The following NRXN1 variants were observed in gnomAD, a reference collection of about 807,000 sequenced individuals.
The protein encoded by NRXN1 is neurexin 1, also known as neurexin-1.
NRXN1 carries 39 observed loss-of-function variants against 150.9 expected under a neutral mutation model. That is an observed-to-expected ratio of 0.26 (90% CI 0.20 to 0.34). The LOEUF (loss-of-function observed/expected upper bound fraction) is 0.34. Among genes scored for constraint, NRXN1 ranks in the 10% least tolerant of loss-of-function variants. The pLI is 1.00. For missense variants in NRXN1, 1,815 were observed against 1,949.9 expected, an observed-to-expected ratio of 0.93 and a Z score of 1.30; for synonymous variants, 924 against 757.0, an observed-to-expected ratio of 1.22 and a Z score of -3.62.
In NRXN1 at chr2:50,107,520, CAT is replaced by C. The variant is rs150310372; in HGVS notation, c.3547-16028_3547-16027del. On this transcript the variant is annotated intron_variant, in intron 18 of 22. Coordinates refer to ENST00000401669, the MANE Select transcript of NRXN1 (RefSeq NM_001330078.2). The stretch of plus-strand genomic sequence containing the variant: ...TTGTCACATGCTACATTCCAGACTA[CAT>C]ATATATATATATATATATTTTTTTT... Among the ~76,000 whole-genome samples the C allele has an allele frequency of 6.6e-5, 9 of 136,054 alleles. No individual in the cohort carries two copies. In the East Asian group the frequency reaches 8.5e-4, roughly 13 times the overall value. The allele number at this position is 136,054 out of a possible 152,430, so 89.3% of individuals were successfully genotyped here.
chr2:50,337,181 G>A (rs1171988397), intron 17 of NRXN1, among the ~76,000 whole-genome samples: 1 of 151,124 alleles, frequency 6.6e-6, no homozygotes, highest in Non-Finnish European at 1.5e-5. Flanking sequence ...TGCCTCCCAG[G>A]TTCAAGCGAT....
chr2:50,975,057 G>T (rs1405013635), intron 2 of NRXN1, among the ~76,000 whole-genome samples: 2 of 151,964 alleles, frequency 1.3e-5, no homozygotes, highest in Non-Finnish European at 2.9e-5. Context: ...GAATCCACAA[G>T]GTTCTTTTCA....
intron 5 of NRXN1, among the ~76,000 whole-genome samples, chr2:50,771,172 T>C (rs2105449701): frequency 6.6e-6 from 1 of 152,078 alleles, no homozygotes; most frequent in South Asian, 2.1e-4. Context: ...TGGTCATAGA[T>C]TACATGGAGA....
intron 18 of NRXN1, among the ~76,000 whole-genome samples, chr2:50,212,800 A>T (rs542359550): frequency 6.6e-6 from 1 of 151,916 alleles, no homozygotes; most frequent in Non-Finnish European, 1.5e-5. Context: ...TGCTTGCATT[A>T]TATGAAACTT....
chr2:50,531,244 T>G lies in NRXN1; in HGVS notation c.2330A>C (p.Lys777Thr). The G allele has an allele frequency of 6.2e-7, 1 of 1,613,148 alleles. No individual in the cohort carries two copies. The highest frequency in any genetic ancestry group is 8.5e-7 in the Non-Finnish European group (1 of 1,179,562). ...LRLELDAGRVKLTVNLDCIRI... is the reference protein window; with the variant it reads ...LRLELDAGRVTLTVNLDCIRI... ...GTTGTTACCTAGATTGACCGTCAGT[T>G]TCACACGTCCTGCGTCTAGCTCCAG... The change falls in exon 11 of 23, where the codon AAA becomes ACA. Residue 777 changes from lysine (K) to threonine (T), a missense_variant. Lys to Thr is a moderately conservative substitution (Grantham distance 78). Transcript: ENST00000401669.
At chr2:50,445,842 G>A (rs978822275) in intron 17 of NRXN1, among the ~76,000 whole-genome samples, 3 of 152,104 alleles carry the variant, frequency 2.0e-5, no homozygotes, top group East Asian at 1.9e-4. Context: ...ATTTTCTCAG[G>A]AGAAGGCCCC....
chr2:50,376,046 T>TATAC (rs1553516368), intron 17 of NRXN1, among the ~76,000 whole-genome samples: 8 of 148,632 alleles, frequency 5.4e-5, no homozygotes, highest in East Asian at 4.0e-4. Flanking sequence ...CATATATATA[T>TATAC]ACACACACAC....
At chr2:50,535,750 CTT>C (rs1414157778) in intron 10 of NRXN1, among the ~76,000 whole-genome samples, 2 of 152,108 alleles carry the variant, frequency 1.3e-5, no homozygotes, top group African/African-American at 4.8e-5. Flanking sequence ...TAGCAAGTAT[CTT>C]ATTCTTTCTT....
At chr2:50,486,605 G>T (rs2090892755) in intron 15 of NRXN1, among the ~76,000 whole-genome samples, 1 of 152,112 alleles carries the variant, frequency 6.6e-6, no homozygotes, top group South Asian at 2.1e-4. Context: ...GAACTCTAAG[G>T]GGAAGCCAGT....
At chr2:50,581,129 A>G (rs912394973) in intron 8 of NRXN1, among the ~76,000 whole-genome samples, 1 of 152,224 alleles carries the variant, frequency 6.6e-6, no homozygotes, top group African/African-American at 2.4e-5. Flanking sequence ...ATATAAATTT[A>G]TGAATACACA....
At chr2:50,400,207 G>A (rs1340454098) in intron 17 of NRXN1, among the ~76,000 whole-genome samples, 1 of 151,998 alleles carries the variant, frequency 6.6e-6, no homozygotes, top group Admixed American at 6.6e-5. Flanking sequence ...CACAAATGAA[G>A]GAAGCGATGT....
intron 22 of NRXN1, among the ~76,000 whole-genome samples, chr2:49,941,346 C>T (rs934643101): frequency 2.7e-5 from 4 of 150,538 alleles, no homozygotes; most frequent in Non-Finnish European, 3.0e-5. Context: ...AAGCAGAAGA[C>T]GATGGCAAAA....
intron 8 of NRXN1, among the ~76,000 whole-genome samples, chr2:50,590,976 C>T (rs538861978): frequency 6.6e-6 from 1 of 152,274 alleles, no homozygotes; most frequent in Middle Eastern, 3.4e-3. Flanking sequence ...ATGTTCCAAA[C>T]ACAGTCTCCC....
intron 21 of NRXN1, among the ~76,000 whole-genome samples, chr2:50,004,487 G>C (rs1035892187): frequency 1.3e-5 from 2 of 152,068 alleles, no homozygotes; most frequent in African/African-American, 2.4e-5. Flanking sequence ...TAGTTTTCTT[G>C]AGTCTTCTCC....
intron 5 of NRXN1, chr2:50,913,008 C>G (rs1392490947): frequency 6.6e-6 from 1 of 151,736 alleles, no homozygotes. Flanking sequence ...AAAAGAATGC[C>G]ACTGGTCACT....
At chr2:50,105,412 T>G (rs1477213678) in intron 18 of NRXN1, 2 of 152,004 alleles carry the variant, frequency 1.3e-5, no homozygotes, top group Admixed American at 1.3e-4. Flanking sequence ...TCAGAGTCTG[T>G]AAGAGAGGAA....
intron 12 of NRXN1, among the ~76,000 whole-genome samples, chr2:50,524,845 C>T (rs1242039910): frequency 3.3e-5 from 5 of 151,946 alleles, no homozygotes; most frequent in African/African-American, 4.8e-5. Flanking sequence ...TCATGCAGTA[C>T]ATCACAAAAA....
chr2:50,859,603 ATT>A (rs138989252), intron 5 of NRXN1, among the ~76,000 whole-genome samples: 19 of 144,274 alleles, frequency 1.3e-4, no homozygotes, highest in Non-Finnish European at 1.1e-4. Flanking sequence ...GGTTACAGGT[ATT>A]TTTTTTTTTT....
intron 2 of NRXN1, among the ~76,000 whole-genome samples, chr2:50,961,498 C>A (rs1222229387): frequency 6.6e-6 from 1 of 151,566 alleles, no homozygotes; most frequent in African/African-American, 2.4e-5. Flanking sequence ...TTGTCTTCCA[C>A]AACAACAACA....
Sources: gnomAD v4.1 joint callset for allele counts (sites outside exome capture counted in the v4.1 genomes callset) on GRCh38, gnomAD v4.1.1 for gene constraint, MANE v1.5 for transcripts, NCBI Gene and HGNC (gene_info 2026-07-23, HGNC 2026-07-21) for gene names.